Variants in SMAD3 observed in about 807,000 individuals in gnomAD.
SMAD3 encodes the protein MAD homolog 3.
In SMAD3, 12 loss-of-function variants were observed where a neutral mutation model predicts 51.8. That is an observed-to-expected ratio of 0.23 (90% CI 0.15 to 0.38). The LOEUF (loss-of-function observed/expected upper bound fraction) is 0.38. Among genes scored for constraint, SMAD3 ranks in the 10% least tolerant of loss-of-function variants. The pLI, the probability that SMAD3 is intolerant of heterozygous loss-of-function variation, is 1.00. For synonymous variants in SMAD3, 238 were observed against 227.7 expected (o/e 1.05, Z -0.41); for missense variants, 294 against 565.6 (o/e 0.52, Z 4.87).
rs759140708 is a variant in SMAD3, at chr15:67,184,767, C to T, written c.912C>T (p.Phe304=). The stretch of plus-strand genomic sequence containing the variant: ...TCTACTACATCGGAGGGGAGGTCTT[C>T]GCAGAGTGCCTCAGTGACAGCGCTA... ...VRLYYIGGEV[F]AECLSDSAIF... is the part of the protein sequence containing the mutation. The change falls in exon 7 of 9, where the codon TTC becomes TTT. Residue 304 remains phenylalanine (F), a synonymous_variant. Coordinates refer to ENST00000327367, the MANE Select transcript of SMAD3 (RefSeq NM_005902.4). The T allele has an allele frequency of 9.9e-6, 16 of 1,613,896 alleles. No homozygotes were observed. In the East Asian group the frequency reaches 1.1e-4, roughly 11 times the overall value.
rs75708580 is a variant in SMAD3 at position 67,142,604 on chromosome 15, C to A, written c.207-22291C>A. 4.7e-3 allele frequency: 1,191 copies of A among 253,034 alleles called. 18 individuals are homozygous for A. The East Asian group carries it at 0.049, about 10-fold the overall frequency. 15.7% of individuals were successfully genotyped at this position (253,034 alleles called of 1,614,324 possible). ...CCTGATCTGTACCCCACCCCCAATT[C>A]TCAGGCTTCTGGATAGACAGAGAAT... On this transcript the variant is annotated intron_variant, in intron 1 of 8. Coordinates refer to ENST00000327367, the MANE Select transcript of SMAD3 (RefSeq NM_005902.4).
In SMAD3 at chr15:67,192,814, A is replaced by G. The variant is rs1022603608; in HGVS notation, c.*2278A>G. The G allele has an allele frequency of 8.1e-5, 19 of 233,290 alleles. No individual in the cohort carries two copies. The highest frequency in any genetic ancestry group is 4.2e-4 in the African/African-American group (19 of 45,362). The allele number at this position is 233,290 out of a possible 1,614,324, so 14.5% of individuals were successfully genotyped here. On this transcript the variant is annotated 3_prime_UTR_variant, in exon 9 of 9. Transcript: ENST00000327367. ...GGTTATGAACTTTGAATGTGATGAA[A>G]TGACACGTTTGGCTGCATTTGGATG... is the stretch of plus-strand genomic sequence containing the variant.
In SMAD3 at chr15:67,094,448, T is replaced by C. The variant is rs571884728; in HGVS notation, c.206+28088T>C. The stretch of plus-strand genomic sequence containing the variant: ...GCAGACTTGGCACGAGACAATCTTA[T>C]TCAAACTCTGCTCAAAATTGCTACC... On this transcript the variant is annotated intron_variant, in intron 1 of 8. Coordinates refer to ENST00000327367, the MANE Select transcript of SMAD3 (RefSeq NM_005902.4). Among the ~76,000 whole-genome samples the C allele has an allele frequency of 1.1e-3, 164 of 152,232 alleles. 2 individuals carry two copies. The highest frequency in any genetic ancestry group is 3.7e-3 in the African/African-American group (155 of 41,544).
chr15:67,119,426 C>T (rs1311270389), intron 1 of SMAD3, among the ~76,000 whole-genome samples: 5 of 152,006 alleles, frequency 3.3e-5, no homozygotes, highest in Non-Finnish European at 7.4e-5. Flanking sequence ...GTTATTCTTG[C>T]CACACAGCTG....
chr15:67,091,914 G>T (rs1236255915), intron 1 of SMAD3, among the ~76,000 whole-genome samples: 1 of 152,222 alleles, frequency 6.6e-6, no homozygotes, highest in Non-Finnish European at 1.5e-5. Flanking sequence ...ATGGGAAGGT[G>T]AGGTGACCCA....
intron 1 of SMAD3, chr15:67,138,150 C>G (rs909698456): frequency 7.3e-7 from 1 of 1,375,646 alleles, no homozygotes. Flanking sequence ...GAACTCGTCT[C>G]CCCACCCGTC....
chr15:67,106,028 CTG>C (rs1960869710), intron 1 of SMAD3, among the ~76,000 whole-genome samples: 1 of 152,160 alleles, frequency 6.6e-6, no homozygotes, highest in Non-Finnish European at 1.5e-5. Context: ...CAGGACATCA[CTG>C]AGCCCTGTCA....
chr15:67,066,091 C>T lies in SMAD3; in HGVS notation c.-64C>T. The stretch of plus-strand genomic sequence containing the variant: ...CCGGCCGAGCTCCCCTCTGCGCCCC[C>T]GGCGTCCCGTCGAGCCCAGCCCCGC... On this transcript the variant is annotated 5_prime_UTR_variant, in exon 1 of 9. Transcript: ENST00000327367. 1 of 1,314,514 alleles carries T rather than the reference C, an allele frequency of 7.6e-7. No individual in the cohort carries two copies. The highest frequency in any genetic ancestry group is 1.1e-6 in the Non-Finnish European group (1 of 950,192). The allele number at this position is 1,314,514 out of a possible 1,614,324, so 81.4% of individuals were successfully genotyped here. A position where few individuals can be genotyped will look rare whatever the true frequency, so the allele number is the denominator to read the frequency against.
chr15:67,111,756 C>A (rs1259849035), intron 1 of SMAD3, among the ~76,000 whole-genome samples: 3 of 152,122 alleles, frequency 2.0e-5, no homozygotes, highest in Non-Finnish European at 2.9e-5. Flanking sequence ...TGATATTGAT[C>A]ATCTCTCCTT....
chr15:67,121,342 C>T (rs1234068728), intron 1 of SMAD3, among the ~76,000 whole-genome samples: 1 of 152,198 alleles, frequency 6.6e-6, no homozygotes, highest in Non-Finnish European at 1.5e-5. Flanking sequence ...CACTGCCAGC[C>T]GGCCTTGTGG....
chr15:67,095,147 C>T (rs867953154), intron 1 of SMAD3, among the ~76,000 whole-genome samples: 4 of 152,152 alleles, frequency 2.6e-5, no homozygotes, highest in Admixed American at 6.5e-5. Flanking sequence ...AAGATGGCTG[C>T]GTGCTCACCT....
rs765454938 is a variant in SMAD3 at position 67,066,181 on chromosome 15, C to G, written c.27C>G (p.Pro9=). MSSILPFT[P]PIVKRLLGWK... The stretch of plus-strand genomic sequence containing the variant: ...TGTCGTCCATCCTGCCTTTCACTCC[C>G]CCGATCGTGAAGCGCCTGCTGGGCT... The change falls in exon 1 of 9, where the codon CCC becomes CCG. Residue 9 remains proline, a synonymous_variant. Coordinates refer to ENST00000327367, the MANE Select transcript of SMAD3 (RefSeq NM_005902.4). 1 of 1,608,636 alleles carries G rather than the reference C, an allele frequency of 6.2e-7. No individual in the cohort carries two copies. Among genetic ancestry groups the G allele is most frequent in the Non-Finnish European group, 8.5e-7 (1 of 1,178,028 alleles).
intron 1 of SMAD3, among the ~76,000 whole-genome samples, chr15:67,102,246 A>ATG (rs1960775020): frequency 5.1e-5 from 1 of 19,592 alleles, no homozygotes; most frequent in African/African-American, 1.2e-4. Flanking sequence ...AATGCTGTGA[A>ATG]AGTGTGTGTG....
chr15:67,176,484 T>G (rs1962898668), intron 5 of SMAD3, among the ~76,000 whole-genome samples: 1 of 152,248 alleles, frequency 6.6e-6, no homozygotes. Flanking sequence ...GCTCCTGGCC[T>G]TTGCCCGTTC....
intron 1 of SMAD3, among the ~76,000 whole-genome samples, chr15:67,072,697 A>G (rs964559245): frequency 6.6e-6 from 1 of 152,140 alleles, no homozygotes; most frequent in Admixed American, 6.5e-5. Flanking sequence ...TGGCTGGTGC[A>G]GTGTTGGATG....
chr15:67,105,005 C>T (rs1960844857), intron 1 of SMAD3, among the ~76,000 whole-genome samples: 1 of 152,244 alleles, frequency 6.6e-6, no homozygotes, highest in South Asian at 2.1e-4. Flanking sequence ...TCCTTGTCTG[C>T]TTCCTGGGGG....
chr15:67,160,857 G>C (rs935683844), intron 1 of SMAD3, among the ~76,000 whole-genome samples: 2 of 147,840 alleles, frequency 1.4e-5, no homozygotes, highest in Non-Finnish European at 3.0e-5. Flanking sequence ...TCTAGAAACA[G>C]GTCTATTATC....
chr15:67,178,565 A>G (rs1412082530), intron 5 of SMAD3, among the ~76,000 whole-genome samples: 1 of 152,152 alleles, frequency 6.6e-6, no homozygotes. Context: ...GAAGGAGGTC[A>G]TGTCCCCAAG....
chr15:67,169,650 A>T (rs141302785), intron 4 of SMAD3, among the ~76,000 whole-genome samples: 1 of 140,786 alleles, frequency 7.1e-6, no homozygotes, highest in Admixed American at 7.2e-5. Flanking sequence ...TTCTGTAGAG[A>T]CAGGGTCTCC....
Sources: gnomAD v4.1 joint callset for allele counts (sites outside exome capture counted in the v4.1 genomes callset) on GRCh38, gnomAD v4.1.1 for gene constraint, MANE v1.5 for transcripts, NCBI Gene and HGNC (gene_info 2026-07-23, HGNC 2026-07-21) for gene names.